LILRB1: variants seen among roughly 807,000 people sequenced by gnomAD.
The protein encoded by LILRB1 is leukocyte immunoglobulin-like receptor subfamily B member 1.
LILRB1 carries 59 observed loss-of-function variants against 74.6 expected under a neutral mutation model. The observed-to-expected ratio is 0.79, with a 90% CI of 0.64 to 0.98. The LOEUF (loss-of-function observed/expected upper bound fraction) is 0.98. Ranked by LOEUF, LILRB1 falls within the 50% of genes least tolerant of loss-of-function variation. The pLI, the probability that LILRB1 is intolerant of heterozygous loss-of-function variation, is 0.00. For missense variants in LILRB1, 804 were observed against 822.6 expected, an observed-to-expected ratio of 0.98 and a Z score of 0.28; for synonymous variants, 328 against 333.9, an observed-to-expected ratio of 0.98 and a Z score of 0.19.
rs774498158 is a variant in LILRB1 at position 54,636,885 on chromosome 19, G to C, written c.*7G>C. On this transcript the variant is annotated 3_prime_UTR_variant, in exon 15 of 15. Transcript: ENST00000324602. Reference sequence around the variant, plus strand: ...CACTCTGGCCATCCACTAGCCCAGGGGGGGACGCAGACCCCACACTCCATG... The same window carrying C: ...CACTCTGGCCATCCACTAGCCCAGGCGGGGACGCAGACCCCACACTCCATG... 1 of 1,613,612 alleles carries C rather than the reference G, an allele frequency of 6.2e-7. No individual in the cohort carries two copies. Among genetic ancestry groups the C allele is most frequent in the East Asian group, 2.2e-5 (1 of 44,844 alleles).
rs376255659 is a variant in LILRB1, at chr19:54,633,160, G to T, written c.1103G>T (p.Arg368Leu). The T allele has an allele frequency of 6.2e-7, 1 of 1,614,230 alleles. No individual in the cohort carries two copies. The highest frequency in any genetic ancestry group is 8.5e-7 in the Non-Finnish European group (1 of 1,180,020). Reference sequence around the variant, plus strand: ...GAGGGGGCAGCTGATGACCCATGGCGTCTAAGATCAACGTACCAATCTCAA... The same window carrying T: ...GAGGGGGCAGCTGATGACCCATGGCTTCTAAGATCAACGTACCAATCTCAA... Reference protein sequence around the residue: ...TKEGAADDPWRLRSTYQSQKY... With the variant: ...TKEGAADDPWLLRSTYQSQKY... The change falls in exon 7 of 15, where the codon CGT (arginine) becomes CTT (leucine). Residue 368 changes from arginine (R) to leucine (L), a missense_variant. Coordinates refer to ENST00000324602, the MANE Select transcript of LILRB1 (RefSeq NM_001081637.3).
chr19:54,633,152 C>T lies in LILRB1; in HGVS notation c.1095C>T (p.Asp365=), dbSNP rs780619296. ...TGACCAAGGAGGGGGCAGCTGATGA[C>T]CCATGGCGTCTAAGATCAACGTACC... ...FLLTKEGAAD[D]PWRLRSTYQS... The change falls in exon 7 of 15, where the codon GAC becomes GAT. Residue 365 remains aspartate (D), a synonymous_variant. Coordinates refer to ENST00000324602, the MANE Select transcript of LILRB1 (RefSeq NM_001081637.3). The T allele has an allele frequency of 1.9e-6, 3 of 1,613,896 alleles. No homozygotes were observed. Among genetic ancestry groups the T allele is most frequent in the Admixed American group, 3.3e-5 (2 of 60,010 alleles).
rs762627868 is a variant in LILRB1, at chr19:54,630,676, G to A, written c.-49+43G>A. 38 of 823,036 alleles carry A rather than the reference G, an allele frequency of 4.6e-5. No homozygotes were observed. The Admixed American group carries it at 7.1e-4, about 15-fold the overall frequency. The allele number at this position is 823,036 out of a possible 1,614,324, so 51.0% of individuals were successfully genotyped here. A position where few individuals can be genotyped will look rare whatever the true frequency, so the allele number is the denominator to read the frequency against. Reference sequence around the variant, plus strand: ...CTGAGCTGATGGACGGCTGAAGGAGGGAGGGTGACCATGTGGGAGGCTGTG... The same window carrying A: ...CTGAGCTGATGGACGGCTGAAGGAGAGAGGGTGACCATGTGGGAGGCTGTG... On this transcript the variant is annotated intron_variant, in intron 1 of 14. Transcript: ENST00000324602.
At chr19:54,624,856 G>A (rs1006839228) in intron 1 of LILRB1, among the ~76,000 whole-genome samples, 8 of 151,824 alleles carry the variant, frequency 5.3e-5, no homozygotes, top group African/African-American at 1.9e-4. Context: ...AGACCTGTGG[G>A]GACTGGGCTC....
At chr19:54,631,449 G>A in intron 3 of LILRB1, 51 bp from the exon 4 acceptor site, 1 of 1,597,808 alleles carries the variant, frequency 6.3e-7, no homozygotes, top group Non-Finnish European at 8.5e-7. Context: ...GCTGGAATCT[G>A]CTGGGTTGGG....
chr19:54,625,000 C>T (rs1481327058), intron 1 of LILRB1, among the ~76,000 whole-genome samples: 1 of 112,530 alleles, frequency 8.9e-6, no homozygotes, highest in African/African-American at 2.8e-5. Flanking sequence ...ACAGGGCCCG[C>T]TCACACTTCC....
chr19:54,630,158 G>T (rs535893127), upstream of LILRB1, among the ~76,000 whole-genome samples: 239 of 152,398 alleles, frequency 1.6e-3, no homozygotes, highest in South Asian at 2.9e-3. Context: ...CTCAGAGATG[G>T]TTCATTACCG....
intron 6 of LILRB1, 77 bp downstream of exon 6, chr19:54,632,837 C>T (rs1222984746): frequency 5.2e-5 from 71 of 1,376,006 alleles, no homozygotes; most frequent in East Asian, 1.7e-4. Context: ...TAGTGATGGC[C>T]GGGATGAGGG....
In LILRB1 at chr19:54,634,772, G is replaced by A; in HGVS notation, c.1486+9G>A. The A allele has an allele frequency of 6.2e-7, 1 of 1,613,566 alleles. No homozygotes were observed. Among genetic ancestry groups the A allele is most frequent in the Non-Finnish European group, 8.5e-7 (1 of 1,179,696 alleles). On this transcript the variant is annotated intron_variant, in intron 10 of 14. Transcript: ENST00000324602. ...CAAACACTGGACATCGAGTGAGTAG[G>A]GAATGGGGGGACCCTGAGGGCTGAC...
At chr19:54,631,378 G>GT in intron 3 of LILRB1, 72 bp downstream of exon 3, 1 of 1,613,516 alleles carries the variant, frequency 6.2e-7, no homozygotes, top group South Asian at 1.1e-5. Flanking sequence ...GTGCCGCTGG[G>GT]GATGGGGAAT....
chr19:54,628,838 C>A (rs1441771265), upstream of LILRB1, among the ~76,000 whole-genome samples: 1 of 152,184 alleles, frequency 6.6e-6, no homozygotes, highest in African/African-American at 2.4e-5. Context: ...TAGAGTCTTG[C>A]CTTGGGCAGG....
Position 54,634,007 on chromosome 19 carries a change from C to G in LILRB1, c.1349C>G (p.Ser450Trp). Residue 450 changes from serine to tryptophan, a missense_variant, in exon 9 of 15, where the codon TCG (serine) becomes TGG (tryptophan). Coordinates refer to ENST00000324602, the MANE Select transcript of LILRB1 (RefSeq NM_001081637.3). The part of the protein sequence containing the change: ...PEDQPLTPTG[S>W]DPQSGLGRHL... ...GACCAGCCCCTCACCCCCACCGGGT[C>G]GGATCCCCAGAGTGGTGAGTGACGG... is the stretch of plus-strand genomic sequence containing the variant. The G allele has an allele frequency of 1.3e-6, 2 of 1,598,600 alleles. No individual in the cohort carries two copies. Among genetic ancestry groups the G allele is most frequent in the Non-Finnish European group, 1.7e-6 (2 of 1,172,600 alleles).
chr19:54,632,350 C>G lies in LILRB1; in HGVS notation c.661+113C>G, dbSNP rs2063950587. 11 of 1,546,662 alleles carry G rather than the reference C, an allele frequency of 7.1e-6. No individual in the cohort carries two copies. In the South Asian group the frequency reaches 1.0e-4, roughly 14 times the overall value. On this transcript the variant is annotated intron_variant, in intron 5 of 14. Coordinates refer to ENST00000324602, the MANE Select transcript of LILRB1 (RefSeq NM_001081637.3). ...GATGTTGGGGCGAGAGGGCTCAGGG[C>G]TCCTGGGGCCAGAGACACAGGAAGA...
chr19:54,632,973 G>A, intron 6 of LILRB1, 43 bp from the exon 7 acceptor site: 1 of 1,595,138 alleles, frequency 6.3e-7, no homozygotes, highest in South Asian at 1.1e-5. Context: ...TGTCAGCTCA[G>A]AGCAAGGTGG....
chr19:54,627,893 C>T (rs1366519039), upstream of LILRB1, among the ~76,000 whole-genome samples: 1 of 152,096 alleles, frequency 6.6e-6, no homozygotes, highest in East Asian at 1.9e-4. Flanking sequence ...TCCCCAGTGC[C>T]GTAAACAAAT....
chr19:54,629,952 A>G (rs1379936843), upstream of LILRB1, among the ~76,000 whole-genome samples: 1 of 151,228 alleles, frequency 6.6e-6, no homozygotes, highest in Admixed American at 6.6e-5. Context: ...TGAGATCCAG[A>G]GTGGACACAT....
At position 54,630,631 on chromosome 19, in the gene LILRB1, A is replaced by G. The variant is rs566839203; in HGVS notation, c.-51A>G. The G allele has an allele frequency of 1.1e-6, 1 of 886,718 alleles. No individual in the cohort carries two copies. Among genetic ancestry groups the G allele is most frequent in the Admixed American group, 2.0e-5 (1 of 50,512 alleles). 54.9% of individuals were successfully genotyped at this position (886,718 alleles called of 1,614,324 possible). A position where few individuals can be genotyped will look rare whatever the true frequency, so the allele number is the denominator to read the frequency against. On this transcript the variant is annotated splice_region_variant and 5_prime_UTR_variant, in exon 1 of 15. The change abolishes an upstream ATG in the 5' untranslated region. Transcript: ENST00000324602. The stretch of plus-strand genomic sequence containing the variant: ...CTCCAGGGCTGGAGGGACGACTGCC[A>G]TGGTAAGGACCCCACAACACTGAGC...
chr19:54,633,001 C>A lies in LILRB1; in HGVS notation c.959-15C>A, dbSNP rs778999243. The A allele has an allele frequency of 6.2e-7, 1 of 1,608,572 alleles. No individual in the cohort carries two copies. The highest frequency in any genetic ancestry group is 2.2e-5 in the East Asian group (1 of 44,732). ...CAAGGTGGGGCAGCCCCTCGCCCAT[C>A]CTTCTTCTCTCCAGGACAGTTCTAT... is the stretch of plus-strand genomic sequence containing the variant. On this transcript the variant is annotated splice_polypyrimidine_tract_variant and intron_variant, in intron 6 of 14. Coordinates refer to ENST00000324602, the MANE Select transcript of LILRB1 (RefSeq NM_001081637.3).
At chr19:54,618,761 A>AT (rs1201360944) in intron 1 of LILRB1, among the ~76,000 whole-genome samples, 1 of 152,234 alleles carries the variant, frequency 6.6e-6, no homozygotes, top group African/African-American at 2.4e-5. Context: ...AAATAACTTT[A>AT]TATTTAACCA....
Sources: gnomAD v4.1 joint callset for allele counts (sites outside exome capture counted in the v4.1 genomes callset) on GRCh38, gnomAD v4.1.1 for gene constraint, MANE v1.5 for transcripts, NCBI Gene and HGNC (gene_info 2026-07-23, HGNC 2026-07-21) for gene names.